Variants in SCN1A observed in about 807,000 individuals in gnomAD.
The protein encoded by SCN1A is sodium voltage-gated channel alpha subunit 1, also known as sodium channel protein type 1 subunit alpha.
A neutral mutation model predicts 193.7 loss-of-function variants in SCN1A; 13 were observed. The ratio of observed to expected loss-of-function variants is 0.07; its 90% confidence interval spans 0.04 to 0.11. SCN1A has a LOEUF of 0.11. Ranked by LOEUF, SCN1A falls within the 10% of genes least tolerant of loss-of-function variation. The pLI, the probability that SCN1A is intolerant of heterozygous loss-of-function variation, is 1.00. For missense variants in SCN1A, 1,432 were observed against 2,451.1 expected (o/e 0.58, Z 8.78); for synonymous variants, 781 against 843.6 (o/e 0.93, Z 1.29).
chr2:166,076,564 A>G (rs922231044), intron 3 of SCN1A, among the ~76,000 whole-genome samples: 1 of 151,980 alleles, frequency 6.6e-6, no homozygotes, highest in Non-Finnish European at 1.5e-5. Flanking sequence ...TGGAAAGGCA[A>G]AAAACCCAAA....
chr2:166,127,828 A>ATATC lies in SCN1A; in HGVS notation c.-287_-286insGATA, dbSNP rs1285906220. 1 of 152,148 alleles carries ATATC rather than the reference A, an allele frequency of 6.6e-6. No homozygotes were observed. The highest frequency in any genetic ancestry group is 1.5e-5 in the Non-Finnish European group (1 of 68,032). The allele number at this position is 152,148 out of a possible 1,614,324, so 9.4% of individuals were successfully genotyped here. On this transcript the variant is annotated 5_prime_UTR_variant, in exon 1 of 29. Transcript: ENST00000674923. ...AGGAACAGCATCACCCAAAGACGAG[A>ATATC]TGATAACAATGTGCCTTCAGTTGCA...
intron 2 of SCN1A, among the ~76,000 whole-genome samples, chr2:166,089,353 T>C (rs1297179701): frequency 6.6e-6 from 1 of 152,184 alleles, no homozygotes; most frequent in Admixed American, 6.6e-5. Flanking sequence ...AAGTCTTCTC[T>C]GCTAAAAAAA....
chr2:166,065,294 G>A (rs535822597), intron 4 of SCN1A, among the ~76,000 whole-genome samples: 24 of 152,276 alleles, frequency 1.6e-4, no homozygotes, highest in South Asian at 6.2e-4. Context: ...CATGAAGGGG[G>A]AGAATTAGAG....
chr2:166,133,492 AG>A (rs1691738876), intron 1 of SCN1A, among the ~76,000 whole-genome samples: 1 of 152,226 alleles, frequency 6.6e-6, no homozygotes. Flanking sequence ...ATTACAATAT[AG>A]GTTCAGAATG....
intron 23 of SCN1A, among the ~76,000 whole-genome samples, chr2:166,005,358 T>C (rs1418622122): frequency 6.6e-6 from 1 of 151,360 alleles, no homozygotes; most frequent in Admixed American, 6.6e-5. Context: ...ATTAAGGAAC[T>C]GAGCACAGGG....
At chr2:166,028,640 CA>C (rs1317214341) in intron 19 of SCN1A, among the ~76,000 whole-genome samples, 1 of 152,110 alleles carries the variant, frequency 6.6e-6, no homozygotes, top group Non-Finnish European at 1.5e-5. Flanking sequence ...AACAAGATAA[CA>C]CATGAATAAC....
intron 3 of SCN1A, among the ~76,000 whole-genome samples, chr2:166,075,595 G>A (rs1318823090): frequency 1.3e-5 from 2 of 151,888 alleles, no homozygotes; most frequent in East Asian, 3.9e-4. Context: ...TATTTGGGTT[G>A]TTTCCAATCT....
Position 166,036,190 on chromosome 2 carries a change from A to G in SCN1A, c.3287T>C (p.Ile1096Thr). ...IGTGSSVEKY[I>T]IDESDYMSFI... Reference sequence around the variant, plus strand: ...TGACATGTAATCACTTTCATCAATAATGTATTTTTCAACACTGCTGCCAGT... The same window carrying G: ...TGACATGTAATCACTTTCATCAATAGTGTATTTTTCAACACTGCTGCCAGT... The change falls in exon 19 of 29, where the codon ATT becomes ACT. Residue 1096 changes from isoleucine (I) to threonine (T), a missense_variant. Around this residue, in one of 18 missense-constraint regions of SCN1A, gnomAD observed 198 missense variants for 225.8 expected, o/e 0.88. Transcript: ENST00000674923. 1 of 1,614,032 alleles carries G rather than the reference A, an allele frequency of 6.2e-7. No individual in the cohort carries two copies. The highest frequency in any genetic ancestry group is 8.5e-7 in the Non-Finnish European group (1 of 1,179,954).
At position 165,986,349 on chromosome 2, in the gene SCN1A, A is replaced by G. The variant is rs1321326530; in HGVS notation, c.*4896T>C. On this transcript the variant is annotated 3_prime_UTR_variant, in exon 29 of 29. Coordinates refer to ENST00000674923, the MANE Select transcript of SCN1A (RefSeq NM_001165963.4). ...GTGTTTGGAATTACTATTTATACCCACAGTGTCTGGTCCCCAGCTTAAACA... is the reference window on the plus strand; with the variant it reads ...GTGTTTGGAATTACTATTTATACCCGCAGTGTCTGGTCCCCAGCTTAAACA... 1 of 152,122 alleles carries G rather than the reference A, an allele frequency of 6.6e-6. No individual in the cohort carries two copies. Among genetic ancestry groups the G allele is most frequent in the Non-Finnish European group, 1.5e-5 (1 of 68,014 alleles). 9.4% of individuals were successfully genotyped at this position (152,122 alleles called of 1,614,324 possible).
intron 1 of SCN1A, among the ~76,000 whole-genome samples, chr2:166,148,115 C>T (rs750213929): frequency 5.3e-5 from 8 of 152,126 alleles, no homozygotes; most frequent in African/African-American, 1.7e-4. Context: ...CTTCACTTGC[C>T]AAGGACACAC....
chr2:166,058,963 G>A (rs1193566456), intron 4 of SCN1A, among the ~76,000 whole-genome samples: 1 of 151,936 alleles, frequency 6.6e-6, no homozygotes, highest in Non-Finnish European at 1.5e-5. Flanking sequence ...TTATTTTCTC[G>A]ATATTTTAAG....
intron 2 of SCN1A, chr2:166,081,574 A>C (rs1357940229): frequency 6.6e-6 from 1 of 151,970 alleles, no homozygotes; most frequent in African/African-American, 2.4e-5. Flanking sequence ...GAACCTGAGA[A>C]AGATGAATGA....
At chr2:166,137,819 G>T (rs1022754973) in intron 1 of SCN1A, among the ~76,000 whole-genome samples, 2 of 152,142 alleles carry the variant, frequency 1.3e-5, no homozygotes, top group Non-Finnish European at 1.5e-5. Flanking sequence ...AATTTGGAGG[G>T]CTCAGAAGAA....
intron 2 of SCN1A, among the ~76,000 whole-genome samples, chr2:166,096,084 A>C (rs1333515763): frequency 6.6e-6 from 1 of 152,202 alleles, no homozygotes; most frequent in Admixed American, 6.5e-5. Context: ...AAACATTCAC[A>C]CTATATTCTT....
chr2:166,118,843 A>AT (rs1271690832), intron 2 of SCN1A, among the ~76,000 whole-genome samples: 2 of 151,902 alleles, frequency 1.3e-5, no homozygotes, highest in Non-Finnish European at 2.9e-5. Flanking sequence ...TCTTTATTGG[A>AT]TTTTTTCTTT....
Position 166,001,889 on chromosome 2 carries a change from T to C in SCN1A, c.4284+583A>G, listed in dbSNP as rs910055875. ...GGTATAATTCTCTCTCTTTTTTTTT[T>C]TTTTTTTTTTTTTTTTTAGATGGAG... On this transcript the variant is annotated intron_variant, in intron 24 of 28. Transcript: ENST00000674923. Among the ~76,000 whole-genome samples, 11 of 142,412 alleles carry C rather than the reference T, an allele frequency of 7.7e-5. No homozygotes were observed. The South Asian group carries it at 9.1e-4, about 12-fold the overall frequency. 93.4% of individuals were successfully genotyped at this position (142,412 alleles called of 152,430 possible).
chr2:166,042,873 A>G (rs962002893), intron 14 of SCN1A, among the ~76,000 whole-genome samples: 2 of 152,192 alleles, frequency 1.3e-5, no homozygotes, highest in Non-Finnish European at 2.9e-5. Flanking sequence ...TCTGGACACA[A>G]GATGTAGATG....
intron 19 of SCN1A, among the ~76,000 whole-genome samples, chr2:166,022,932 C>T (rs1694253826): frequency 6.6e-6 from 1 of 152,018 alleles, no homozygotes; most frequent in South Asian, 2.1e-4. Flanking sequence ...TTGAACATGA[C>T]CTCAGAAAAC....
chr2:166,041,199 G>T, intron 16 of SCN1A, 32 bp downstream of exon 16: 2 of 1,461,856 alleles, frequency 1.4e-6, no homozygotes, highest in African/African-American at 1.4e-5. Flanking sequence ...AAAATTTGAA[G>T]ACTAAACACA....
Sources: allele counts gnomAD v4.1 joint callset (sites outside exome capture counted in the v4.1 genomes callset), GRCh38; gene constraint gnomAD v4.1.1; regional missense constraint gnomAD v4.1.1; transcripts MANE v1.5; gene names NCBI Gene and HGNC (gene_info 2026-07-23, HGNC 2026-07-21).